RNF217: variants seen among roughly 807,000 people sequenced by gnomAD.
RNF217 encodes ring finger protein 217, also known as E3 ubiquitin-protein ligase RNF217.
A neutral mutation model predicts 57.8 loss-of-function variants in RNF217; 31 were observed. That is an observed-to-expected ratio of 0.54 (90% CI 0.40 to 0.72). The LOEUF is 0.72. Among genes scored for constraint, RNF217 ranks in the 30% least tolerant of loss-of-function variants. The pLI, the probability that RNF217 is intolerant of heterozygous loss-of-function variation, is 0.00. For missense variants in RNF217, 696 were observed against 708.3 expected (o/e 0.98, Z 0.20); for synonymous variants, 313 against 294.0 (o/e 1.06, Z -0.66).
intron 1 of RNF217, among the ~76,000 whole-genome samples, chr6:124,975,652 G>A (rs186723984): frequency 6.6e-6 from 1 of 152,212 alleles, no homozygotes; most frequent in Admixed American, 6.5e-5. Context: ...GCCCAGGCTG[G>A]TCTTATACTC....
chr6:125,042,414 G>C (rs765044428), intron 1 of RNF217, among the ~76,000 whole-genome samples: 1 of 152,012 alleles, frequency 6.6e-6, no homozygotes, highest in African/African-American at 2.4e-5. Context: ...TGCTAGAGCT[G>C]GTAGTGGGTA....
At chr6:125,050,321 C>G (rs1787261374) in intron 2 of RNF217, among the ~76,000 whole-genome samples, 1 of 151,858 alleles carries the variant, frequency 6.6e-6, no homozygotes, top group Non-Finnish European at 1.5e-5. Context: ...ATTCTTCTTC[C>G]CACAAATGTT....
At chr6:125,080,960 A>T (rs543862829) in intron 4 of RNF217, among the ~76,000 whole-genome samples, 10 of 152,218 alleles carry the variant, frequency 6.6e-5, no homozygotes, top group African/African-American at 2.4e-4. Context: ...TGGACCCAGG[A>T]TGTAAATAAA....
chr6:125,037,562 A>G (rs138293014), intron 1 of RNF217, among the ~76,000 whole-genome samples: 33 of 152,254 alleles, frequency 2.2e-4, no homozygotes, highest in African/African-American at 7.0e-4. Flanking sequence ...TAAGCCCTGT[A>G]GTTGCTGCTG....
chr6:125,067,277 T>G (rs1787968707), intron 3 of RNF217, among the ~76,000 whole-genome samples: 1 of 152,042 alleles, frequency 6.6e-6, no homozygotes. Context: ...CAAACAACAT[T>G]AAGATAGTTG....
chr6:125,016,926 T>TA (rs1562469637), intron 1 of RNF217, among the ~76,000 whole-genome samples: 1 of 151,964 alleles, frequency 6.6e-6, no homozygotes, highest in Non-Finnish European at 1.5e-5. Flanking sequence ...TAAAGCATAA[T>TA]AAAAAAGAAA....
chr6:125,011,209 G>A (rs573693348), intron 1 of RNF217, among the ~76,000 whole-genome samples: 25 of 152,232 alleles, frequency 1.6e-4, no homozygotes, highest in African/African-American at 5.5e-4. Flanking sequence ...AACCTTTAGG[G>A]ACAGTAGAAA....
chr6:124,987,377 G>A (rs981915853), intron 1 of RNF217, among the ~76,000 whole-genome samples: 1 of 151,906 alleles, frequency 6.6e-6, no homozygotes, highest in Non-Finnish European at 1.5e-5. Flanking sequence ...ATCATTCCCT[G>A]CCCTCACCCC....
chr6:125,006,682 C>T (rs1785192223), intron 1 of RNF217, among the ~76,000 whole-genome samples: 1 of 152,110 alleles, frequency 6.6e-6, no homozygotes, highest in African/African-American at 2.4e-5. Context: ...GGTGTGGTGG[C>T]TCATGCCTGT....
At chr6:125,009,089 TTCC>T in intron 1 of RNF217, 1 of 666,736 alleles carries the variant, frequency 1.5e-6, no homozygotes, top group Admixed American at 2.9e-5. Flanking sequence ...AGAATGTGCT[TTCC>T]TGAACAGACG....
intron 1 of RNF217, among the ~76,000 whole-genome samples, chr6:125,031,310 T>G (rs1024399073): frequency 6.6e-6 from 1 of 152,256 alleles, no homozygotes. Flanking sequence ...ATTAGGCTTC[T>G]TGCTGTGTAT....
Position 124,962,615 on chromosome 6 carries a change from C to T in RNF217, c.71C>T (p.Thr24Ile), listed in dbSNP as rs1374634797. 6 of 1,315,144 alleles carry T rather than the reference C, an allele frequency of 4.6e-6. No individual in the cohort carries two copies. Among genetic ancestry groups the T allele is most frequent in the Non-Finnish European group, 5.8e-6 (6 of 1,041,150 alleles). 81.5% of individuals were successfully genotyped at this position (1,315,144 alleles called of 1,614,324 possible). The change falls in exon 1 of 6, where the codon ACT (threonine) becomes ATT (isoleucine). Residue 24 changes from threonine (T) to isoleucine (I), a missense_variant. Transcript: ENST00000521654. The surrounding 1 kb of genome is among the most constrained non-coding windows in gnomAD (Gnocchi z 4.6). ...GAGTCGCAGACCCTGGCCAGTGGCA[C>T]TGCGGGCCACCCTGAGCCCCCGAGG... The part of the protein sequence containing the change: ...PQESQTLASG[T>I]AGHPEPPRPQ...
At chr6:125,071,484 ATGTGTG>A (rs61496685) in intron 3 of RNF217, among the ~76,000 whole-genome samples, 49,618 of 136,712 alleles carry the variant, frequency 0.36, 9,686 homozygotes, top group Non-Finnish European at 0.46. Flanking sequence ...CTGCCTACAT[ATGTGTG>A]TGTGTGTGTG....
chr6:125,061,731 A>G (rs1380289162), intron 3 of RNF217, among the ~76,000 whole-genome samples: 1 of 151,826 alleles, frequency 6.6e-6, no homozygotes, highest in African/African-American at 2.4e-5. Context: ...ATACACAAGC[A>G]CATATGTCGT....
At chr6:125,035,029 AT>A (rs1786544235) in intron 1 of RNF217, among the ~76,000 whole-genome samples, 1 of 151,712 alleles carries the variant, frequency 6.6e-6, no homozygotes, top group South Asian at 2.1e-4. Context: ...AATGCTTGTG[AT>A]TTTTGTACAT....
At chr6:124,975,923 TA>T (rs1055941861) in intron 1 of RNF217, among the ~76,000 whole-genome samples, 3 of 152,128 alleles carry the variant, frequency 2.0e-5, no homozygotes, top group African/African-American at 7.2e-5. Flanking sequence ...TCAAGATTTT[TA>T]AAAAATATTT....
chr6:124,990,529 AT>A (rs1784521048), intron 1 of RNF217, among the ~76,000 whole-genome samples: 2 of 152,084 alleles, frequency 1.3e-5, no homozygotes, highest in Admixed American at 6.6e-5. Context: ...TGGCCATTCC[AT>A]TTTTCCAGTT....
rs138909484 is a variant in RNF217 at position 124,995,101 on chromosome 6, T to C, written c.882+31675T>C. 2.0e-3 allele frequency among the ~76,000 whole-genome samples: 311 copies of C among 152,332 alleles called. 1 individual carries two copies. Among genetic ancestry groups the C allele is most frequent in the African/African-American group, 7.2e-3 (301 of 41,576 alleles). On this transcript the variant is annotated intron_variant, in intron 1 of 5. Transcript: ENST00000521654. ...ATTTGTACCCTTGAGTAGGGAGATGTTTGTGGTTTGTCAGTTATTTATACC... is the reference window on the plus strand; with the variant it reads ...ATTTGTACCCTTGAGTAGGGAGATGCTTGTGGTTTGTCAGTTATTTATACC...
At chr6:124,998,772 T>C (rs375187109) in intron 1 of RNF217, among the ~76,000 whole-genome samples, 1 of 152,182 alleles carries the variant, frequency 6.6e-6, no homozygotes, top group East Asian at 1.9e-4. Flanking sequence ...CACTCCAACC[T>C]GGGCAACAGA....
Sources: gnomAD v4.1 joint callset for allele counts (sites outside exome capture counted in the v4.1 genomes callset) on GRCh38, gnomAD v4.1.1 for gene constraint, Gnocchi (gnomAD v3.1) non-coding constraint, MANE v1.5 for transcripts, NCBI Gene and HGNC (gene_info 2026-07-23, HGNC 2026-07-21) for gene names.